FAHD2B: variants seen among roughly 807,000 people sequenced by gnomAD.
FAHD2B encodes oxaloacetate tautomerase FAHD2B, mitochondrial.
FAHD2B carries 26 observed loss-of-function variants against 33.7 expected under a neutral mutation model. That is an observed-to-expected ratio of 0.77 (90% CI 0.57 to 1.07). FAHD2B has a LOEUF of 1.07. FAHD2B is among the 50% of genes least tolerant of loss of function. The probability of loss-of-function intolerance (pLI) is 0.00; values close to 1 mark genes in which losing one functional copy is unlikely to be tolerated. For synonymous variants in FAHD2B, 108 were observed against 150.9 expected, an observed-to-expected ratio of 0.72 and a Z score of 2.08; for missense variants, 272 against 388.1, an observed-to-expected ratio of 0.70 and a Z score of 2.51.
At position 97,083,810 on chromosome 2, in the gene FAHD2B, T is replaced by A. The variant is rs775606222; in HGVS notation, c.890A>T (p.Asp297Val). ...RKPPVFLKKG[D>V]EVQCEIEELG... ...TTCTTCAATCTCACACTGGACTTCA[T>A]CCCCCTTCTGCAACAGAGCAGGCCA... The change falls in exon 9 of 9, where the codon GAT (aspartate) becomes GTT (valine). Residue 297 changes from aspartate (D) to valine (V), a missense_variant. Coordinates refer to ENST00000414820, the MANE Select transcript of FAHD2B (RefSeq NM_001320848.2). 1.2e-6 allele frequency: 2 copies of A among 1,614,044 alleles called. No homozygotes were observed. Among genetic ancestry groups the A allele is most frequent in the South Asian group, 2.2e-5 (2 of 91,032 alleles).
chr2:97,084,347 C>T lies in FAHD2B; in HGVS notation c.686-70G>A, dbSNP rs1195541584. 3 of 1,582,612 alleles carry T rather than the reference C, an allele frequency of 1.9e-6. No homozygotes were observed. In the African/African-American group the frequency reaches 4.0e-5, roughly 21 times the overall value. On this transcript the variant is annotated intron_variant, in intron 6 of 8. Coordinates refer to ENST00000414820, the MANE Select transcript of FAHD2B (RefSeq NM_001320848.2). ...CAAACCCCCCAGTGTTTTACAAACA[C>T]AACTGTAGGGGCGCTTCGTGACTTG...
chr2:97,093,256 T>A (rs1312137491), intron 1 of FAHD2B, among the ~76,000 whole-genome samples: 1 of 152,006 alleles, frequency 6.6e-6, no homozygotes, highest in Admixed American at 6.6e-5. Context: ...CTCATTAGAC[T>A]TAGGTCACCA....
chr2:97,085,568 C>T (rs2031920641), intron 6 of FAHD2B, 131 bp downstream of exon 6: 1 of 1,417,684 alleles, frequency 7.1e-7, no homozygotes, highest in South Asian at 1.4e-5. Flanking sequence ...AAGACTTTCC[C>T]TGTATGGAGT....
chr2:97,086,120 C>G lies in FAHD2B; in HGVS notation c.522+19G>C. 1 of 1,612,216 alleles carries G rather than the reference C, an allele frequency of 6.2e-7. No individual in the cohort carries two copies. The highest frequency in any genetic ancestry group is 8.5e-7 in the Non-Finnish European group (1 of 1,179,376). On this transcript the variant is annotated intron_variant, in intron 5 of 8. Transcript: ENST00000414820. ...CCTCTGCTGCACTCTGGCCTGGGAG[C>G]CCACCCTTTCCACCTCACCTTGATG...
chr2:97,087,944 A>T (rs2032096198), intron 4 of FAHD2B, among the ~76,000 whole-genome samples: 1 of 152,172 alleles, frequency 6.6e-6, no homozygotes, highest in Non-Finnish European at 1.5e-5. Flanking sequence ...GTCAGATGCA[A>T]TGGGAAATGT....
downstream of FAHD2B, among the ~76,000 whole-genome samples, chr2:97,080,219 T>C (rs545099947): frequency 2.6e-5 from 4 of 152,242 alleles, no homozygotes; most frequent in African/African-American, 9.6e-5. Context: ...ATTTTTATAG[T>C]TTGGGGTTTT....
At chr2:97,087,583 C>T (rs2032074461) in intron 4 of FAHD2B, among the ~76,000 whole-genome samples, 1 of 151,924 alleles carries the variant, frequency 6.6e-6, no homozygotes, top group Non-Finnish European at 1.5e-5. Context: ...CCTGTAATCC[C>T]AGCTACTAGG....
rs755833967 is a variant in FAHD2B, at chr2:97,091,703, G to C, written c.4C>G (p.Leu2Val). The change falls in exon 3 of 9, where the codon CTG (leucine) becomes GTG (valine). Residue 2 changes from leucine to valine, a missense_variant. Leu to Val is a conservative substitution (Grantham distance 32, BLOSUM62 1). Coordinates refer to ENST00000414820, the MANE Select transcript of FAHD2B (RefSeq NM_001320848.2). M[L>V]VSGRRRLLTA... is the part of the protein sequence containing the mutation. Reference sequence around the variant, plus strand: ...AGTAATCTTCTTCTACCAGACACCAGCATCAGAGCCTGCAGAGAAAAACAC... The same window carrying C: ...AGTAATCTTCTTCTACCAGACACCACCATCAGAGCCTGCAGAGAAAAACAC... 1.6e-5 allele frequency: 25 copies of C among 1,610,404 alleles called. No homozygotes were observed. The highest frequency in any genetic ancestry group is 3.3e-4 in the Middle Eastern group (2 of 6,056).
At chr2:97,081,114 G>A (rs1467688751), downstream of FAHD2B, 2 of 1,507,664 alleles carry the variant, frequency 1.3e-6, no homozygotes, top group African/African-American at 1.4e-5. Flanking sequence ...GTGCAGTGCG[G>A]GGGCTGCTGG....
downstream of FAHD2B, chr2:97,082,351 G>A: frequency 3.7e-6 from 6 of 1,610,074 alleles, no homozygotes; most frequent in Non-Finnish European, 5.1e-6. Flanking sequence ...CCTCGAGGCA[G>A]GCTGTGTCTG....
chr2:97,079,496 T>G (rs915324477), downstream of FAHD2B, among the ~76,000 whole-genome samples: 7 of 151,982 alleles, frequency 4.6e-5, no homozygotes, highest in Admixed American at 3.9e-4. Flanking sequence ...CTCACTGTGG[T>G]TTTTAATTTG....
In FAHD2B at chr2:97,083,661, TG is replaced by T; in HGVS notation, c.*93del. 1 of 1,599,052 alleles carries T rather than the reference TG, an allele frequency of 6.3e-7. No homozygotes were observed. ...ACCGAGAAGAGGCGGCTTGCAGGGC[TG>T]GCACCTGCCCACACCTGCCACTGGG... On this transcript the variant is annotated 3_prime_UTR_variant, in exon 9 of 9. Transcript: ENST00000414820.
At chr2:97,088,204 A>G (rs760001473) in intron 4 of FAHD2B, among the ~76,000 whole-genome samples, 1 of 152,240 alleles carries the variant, frequency 6.6e-6, no homozygotes, top group East Asian at 1.9e-4. Context: ...CTATAACAGC[A>G]GAGTTGAATT....
chr2:97,084,235 A>G lies in FAHD2B; in HGVS notation c.728T>C (p.Val243Ala). ...LKICCRVNGE[V>A]VQSSNTNQMV... The stretch of plus-strand genomic sequence containing the variant: ...CTGGTTGGTGTTGCTGCTCTGGACG[A>G]CTTCCCCATTCACTCGGCAGCAGAT... The change falls in exon 7 of 9, where the codon GTC becomes GCC. Residue 243 changes from valine (V) to alanine (A), a missense_variant. Transcript: ENST00000414820. 2 of 1,613,738 alleles carry G rather than the reference A, an allele frequency of 1.2e-6. No homozygotes were observed. Among genetic ancestry groups the G allele is most frequent in the Non-Finnish European group, 1.7e-6 (2 of 1,179,830 alleles).
chr2:97,081,035 A>C (rs532332087), downstream of FAHD2B: 20 of 1,390,174 alleles, frequency 1.4e-5, 1 homozygote, highest in South Asian at 3.5e-4. Context: ...CTGGAGGCCG[A>C]GGTGGGATGT....
At chr2:97,081,132 A>C (rs1371326088), downstream of FAHD2B, 1 of 1,490,408 alleles carries the variant, frequency 6.7e-7, no homozygotes, top group Non-Finnish European at 8.9e-7. Flanking sequence ...TGGCAGGCAG[A>C]GTGCCGCCCC....
At chr2:97,087,848 G>T (rs1257089) in intron 4 of FAHD2B, among the ~76,000 whole-genome samples, 1 of 151,890 alleles carries the variant, frequency 6.6e-6, no homozygotes, top group African/African-American at 2.4e-5. Context: ...TACAAAAATG[G>T]AAATGCGTCT....
chr2:97,090,437 C>T lies in FAHD2B; in HGVS notation c.246-112G>A, dbSNP rs1287449827. The T allele has an allele frequency of 8.2e-6, 12 of 1,467,016 alleles. No homozygotes were observed. The African/African-American group carries it at 9.9e-5, about 12-fold the overall frequency. 90.9% of individuals were successfully genotyped at this position (1,467,016 alleles called of 1,614,324 possible). ...GGTTTTGCTTTTTGAAATCTATTTC[C>T]TAGCTCTATCAACCATCAGAGTCAG... On this transcript the variant is annotated intron_variant, in intron 3 of 8. Coordinates refer to ENST00000414820, the MANE Select transcript of FAHD2B (RefSeq NM_001320848.2).
chr2:97,080,803 C>A (rs2031616027), downstream of FAHD2B, among the ~76,000 whole-genome samples: 1 of 152,006 alleles, frequency 6.6e-6, no homozygotes, highest in South Asian at 2.1e-4. Context: ...CCTTCACTTC[C>A]CTTGTTACCT....
Sources: allele counts gnomAD v4.1 joint callset (sites outside exome capture counted in the v4.1 genomes callset), GRCh38; gene constraint gnomAD v4.1.1; transcripts MANE v1.5; gene names NCBI Gene and HGNC (gene_info 2026-07-23, HGNC 2026-07-21).